Variants in RAB3C observed in about 807,000 individuals in gnomAD.
RAB3C encodes the protein RAB3C, member RAS oncogene family, also known as ras-related protein Rab-3C.
RAB3C carries 17 observed loss-of-function variants against 26.4 expected under a neutral mutation model. The observed-to-expected ratio is 0.64, with a 90% CI of 0.44 to 0.97. RAB3C has a LOEUF of 0.97. Among genes scored for constraint, RAB3C ranks in the 50% least tolerant of loss-of-function variants. The pLI is 0.00. For missense variants in RAB3C, 242 were observed against 281.9 expected (o/e 0.86, Z 1.01); for synonymous variants, 91 against 95.9 (o/e 0.95, Z 0.30).
At chr5:58,620,766 T>C (rs903843935) in intron 2 of RAB3C, among the ~76,000 whole-genome samples, 7 of 152,218 alleles carry the variant, frequency 4.6e-5, no homozygotes, top group South Asian at 2.1e-4. Context: ...ATTAAGAGTC[T>C]TCTTGACTAA....
chr5:58,599,791 CTG>C, intron 1 of RAB3C, among the ~76,000 whole-genome samples: 1 of 151,910 alleles, frequency 6.6e-6, no homozygotes, highest in Non-Finnish European at 1.5e-5. Context: ...TTCTCCCACT[CTG>C]TGGATTGTCT....
At chr5:58,841,560 T>G (rs900135364) in intron 4 of RAB3C, among the ~76,000 whole-genome samples, 4 of 151,836 alleles carry the variant, frequency 2.6e-5, no homozygotes, top group Non-Finnish European at 5.9e-5. Context: ...GTATGGGGAG[T>G]GCAAACCTTG....
intron 2 of RAB3C, among the ~76,000 whole-genome samples, chr5:58,696,627 A>G (rs1422628493): frequency 6.6e-6 from 1 of 152,116 alleles, no homozygotes; most frequent in Non-Finnish European, 1.5e-5. Flanking sequence ...CAGAGATTAA[A>G]CTTCTTCCTG....
chr5:58,814,554 A>G (rs1227807533), intron 3 of RAB3C: 1 of 152,198 alleles, frequency 6.6e-6, no homozygotes, highest in Non-Finnish European at 1.5e-5. Flanking sequence ...AGGACAATAT[A>G]AATCTTGTCT....
At chr5:58,794,088 A>G (rs1048652632) in intron 3 of RAB3C, among the ~76,000 whole-genome samples, 1 of 152,202 alleles carries the variant, frequency 6.6e-6, no homozygotes, top group African/African-American at 2.4e-5. Context: ...CAGGGTGTAT[A>G]TTAAAATGGA....
intron 2 of RAB3C, among the ~76,000 whole-genome samples, chr5:58,657,211 C>G (rs1172238821): frequency 6.6e-6 from 1 of 151,606 alleles, no homozygotes; most frequent in African/African-American, 2.4e-5. Context: ...AAGACTGATA[C>G]AATGGACTTT....
chr5:58,650,462 T>C (rs933059325), intron 2 of RAB3C, among the ~76,000 whole-genome samples: 3 of 152,186 alleles, frequency 2.0e-5, no homozygotes, highest in African/African-American at 7.2e-5. Flanking sequence ...TTTTGAATGA[T>C]GAATGACAAA....
chr5:58,711,909 G>A (rs1749069382), intron 2 of RAB3C, among the ~76,000 whole-genome samples: 1 of 152,064 alleles, frequency 6.6e-6, no homozygotes, highest in African/African-American at 2.4e-5. Flanking sequence ...GCAGTGCCTG[G>A]TGAATTTTTC....
At position 58,751,683 on chromosome 5, in the gene RAB3C, C is replaced by T. The variant is rs147946198; in HGVS notation, c.371+25563C>T. 2.0e-3 allele frequency among the ~76,000 whole-genome samples: 309 copies of T among 152,216 alleles called. 3 individuals are homozygous for T. In the East Asian group the frequency reaches 0.037, roughly 18 times the overall value. On this transcript the variant is annotated intron_variant, in intron 3 of 4. Coordinates refer to ENST00000282878, the MANE Select transcript of RAB3C (RefSeq NM_138453.4). ...TCATAAAATAACTGTTTAGTGGTAACGACTTCTAGTCATGTTAGTCATATT... is the reference window on the plus strand; with the variant it reads ...TCATAAAATAACTGTTTAGTGGTAATGACTTCTAGTCATGTTAGTCATATT...
chr5:58,801,987 T>C lies in RAB3C; in HGVS notation c.372-23051T>C, dbSNP rs1009469602. 2.0e-5 allele frequency among the ~76,000 whole-genome samples: 3 copies of C among 152,254 alleles called. No homozygotes were observed. The East Asian group carries it at 5.8e-4, about 29-fold the overall frequency. On this transcript the variant is annotated intron_variant, in intron 3 of 4. Coordinates refer to ENST00000282878, the MANE Select transcript of RAB3C (RefSeq NM_138453.4). ...AAAACCAGCATCCAAACTGCGTTAATATGGATGTGTGAACATTTAGCACTG... is the reference window on the plus strand; with the variant it reads ...AAAACCAGCATCCAAACTGCGTTAACATGGATGTGTGAACATTTAGCACTG...
chr5:58,616,485 T>C (rs553221384), intron 1 of RAB3C, among the ~76,000 whole-genome samples: 72 of 152,246 alleles, frequency 4.7e-4, no homozygotes, highest in Non-Finnish European at 9.3e-4. Flanking sequence ...TTGAGCCAAA[T>C]GGTACTTAGA....
intron 3 of RAB3C, among the ~76,000 whole-genome samples, chr5:58,746,362 G>A (rs1233362828): frequency 2.6e-5 from 4 of 152,118 alleles, no homozygotes; most frequent in Non-Finnish European, 4.4e-5. Flanking sequence ...GGGGCTTCAG[G>A]ACAACAAAGA....
intron 2 of RAB3C, among the ~76,000 whole-genome samples, chr5:58,633,218 AG>A (rs2111752503): frequency 6.6e-6 from 1 of 152,356 alleles, no homozygotes; most frequent in South Asian, 2.1e-4. Flanking sequence ...GAAGGCAGAG[AG>A]GGCTCATCCT....
intron 3 of RAB3C, among the ~76,000 whole-genome samples, chr5:58,727,491 A>G (rs1740918219): frequency 6.6e-6 from 1 of 152,044 alleles, no homozygotes; most frequent in Admixed American, 6.6e-5. Flanking sequence ...AAACTAATTT[A>G]TAAACTCAAG....
intron 2 of RAB3C, among the ~76,000 whole-genome samples, chr5:58,702,144 CA>C (rs1475702633): frequency 6.6e-6 from 1 of 152,176 alleles, no homozygotes; most frequent in Non-Finnish European, 1.5e-5. Context: ...CTAATTTACA[CA>C]CACACTCACA....
intron 3 of RAB3C, among the ~76,000 whole-genome samples, chr5:58,743,032 C>T (rs1741309540): frequency 6.6e-6 from 1 of 152,120 alleles, no homozygotes; most frequent in Non-Finnish European, 1.5e-5. Context: ...AGGCTGGGGA[C>T]TCTGAGTCTG....
At chr5:58,648,915 G>T (rs866836056) in intron 2 of RAB3C, among the ~76,000 whole-genome samples, 10 of 152,100 alleles carry the variant, frequency 6.6e-5, no homozygotes, top group African/African-American at 1.7e-4. Context: ...CTATCTCAAG[G>T]CTTCATCATC....
At chr5:58,627,880 A>C (rs1747092895) in intron 2 of RAB3C, among the ~76,000 whole-genome samples, 1 of 152,188 alleles carries the variant, frequency 6.6e-6, no homozygotes, top group Non-Finnish European at 1.5e-5. Context: ...CATCGGGGCC[A>C]GGCGCAAAGG....
Position 58,851,139 on chromosome 5 carries a change from ATGTGTTTCTG to A in RAB3C, c.497-15_497-6del. 1.3e-6 allele frequency: 2 copies of A among 1,571,280 alleles called. No individual in the cohort carries two copies. Among genetic ancestry groups the A allele is most frequent in the African/African-American group, 1.4e-5 (1 of 73,164 alleles). On this transcript the variant is annotated splice_polypyrimidine_tract_variant and intron_variant, in intron 4 of 4. Coordinates refer to ENST00000282878, the MANE Select transcript of RAB3C (RefSeq NM_138453.4). ...ATTTCAGAAATGCAAAATAACCAAGATGTGTTTCTGTGTGTTTCTTCCAGGGTTTGAGTTT... is the reference window on the plus strand; with the variant it reads ...ATTTCAGAAATGCAAAATAACCAAGATGTGTTTCTTCCAGGGTTTGAGTTT...
Sources: gnomAD v4.1 joint callset for allele counts (sites outside exome capture counted in the v4.1 genomes callset) on GRCh38, gnomAD v4.1.1 for gene constraint, MANE v1.5 for transcripts, NCBI Gene and HGNC (gene_info 2026-07-23, HGNC 2026-07-21) for gene names.